The following CDH12 variants were observed in gnomAD, a reference collection of about 807,000 sequenced individuals.
CDH12 encodes the protein cadherin-12.
Under a neutral mutation model 74.1 loss-of-function variants are expected in CDH12, and 41 were observed. The ratio of observed to expected loss-of-function variants is 0.55; its 90% CI spans 0.43 to 0.72. CDH12 has a LOEUF of 0.72. Among genes scored for constraint, CDH12 ranks in the 30% least tolerant of loss-of-function variants. CDH12 has a pLI of 0.00. For missense variants in CDH12, 945 were observed against 977.2 expected, an observed-to-expected ratio of 0.97 and a Z score of 0.44; for synonymous variants, 399 against 355.0, an observed-to-expected ratio of 1.12 and a Z score of -1.39.
intron 4 of CDH12, among the ~76,000 whole-genome samples, chr5:22,199,306 T>G (rs1248531911): frequency 6.6e-6 from 1 of 152,186 alleles, no homozygotes; most frequent in African/African-American, 2.4e-5. Context: ...TACTTAGTCA[T>G]GAGGGTTAGA....
At chr5:22,180,236 C>G (rs151335382) in intron 4 of CDH12, among the ~76,000 whole-genome samples, 3 of 152,174 alleles carry the variant, frequency 2.0e-5, no homozygotes, top group African/African-American at 7.2e-5. Context: ...CCTACAGCCA[C>G]TCACTTTCCT....
At chr5:22,672,486 T>C (rs1205243088) in intron 1 of CDH12, among the ~76,000 whole-genome samples, 1 of 152,056 alleles carries the variant, frequency 6.6e-6, no homozygotes, top group Non-Finnish European at 1.5e-5. Context: ...GGACTAGATT[T>C]ACGATAAGAG....
intron 3 of CDH12, among the ~76,000 whole-genome samples, chr5:22,373,792 C>T (rs973500571): frequency 6.6e-6 from 1 of 152,156 alleles, no homozygotes; most frequent in African/African-American, 2.4e-5. Context: ...GAAAACAATC[C>T]TTCCCTATGA....
intron 1 of CDH12, among the ~76,000 whole-genome samples, chr5:22,630,244 T>G (rs953400054): frequency 6.6e-6 from 1 of 151,876 alleles, no homozygotes; most frequent in African/African-American, 2.4e-5. Context: ...CATCACAGAA[T>G]TAGAAAAAAA....
intron 2 of CDH12, among the ~76,000 whole-genome samples, chr5:22,434,718 G>C (rs1744309661): frequency 6.6e-6 from 1 of 151,912 alleles, no homozygotes; most frequent in Non-Finnish European, 1.5e-5. Flanking sequence ...CAATTCCATT[G>C]TCCATTTTAA....
intron 12 of CDH12, among the ~76,000 whole-genome samples, chr5:21,764,097 G>C (rs2149874972): frequency 6.6e-6 from 1 of 152,232 alleles, no homozygotes; most frequent in African/African-American, 2.4e-5. Flanking sequence ...TGTGGGGGCT[G>C]GGTGCGGTGG....
intron 1 of CDH12, among the ~76,000 whole-genome samples, chr5:22,611,241 C>T (rs1737382791): frequency 6.6e-6 from 1 of 152,078 alleles, no homozygotes; most frequent in Non-Finnish European, 1.5e-5. Flanking sequence ...TTTATACACA[C>T]TTAAACTTTC....
rs190265900 is a variant in CDH12 at position 22,531,496 on chromosome 5, C to T, written c.-522-26132G>A. Among the ~76,000 whole-genome samples, 99 of 152,154 alleles carry T rather than the reference C, an allele frequency of 6.5e-4. 1 individual carries two copies. Among genetic ancestry groups the T allele is most frequent in the African/African-American group, 1.7e-3 (70 of 41,520 alleles). ...ATATCTATTGAATATTAATATATTG[C>T]ACCTTAACCATCAGTACATTTGTCT... On this transcript the variant is annotated intron_variant, in intron 1 of 14. Transcript: ENST00000382254.
At position 22,028,649 on chromosome 5, in the gene CDH12, G is replaced by T. The variant is rs921406978; in HGVS notation, c.231+49797C>A. Among the ~76,000 whole-genome samples the T allele has an allele frequency of 2.6e-5, 4 of 152,092 alleles. No individual in the cohort carries two copies. The South Asian group carries it at 8.3e-4, about 32-fold the overall frequency. ...ATGGAAGAACATACCATGCTCATGG[G>T]TAGGAAGAATCAATATCATGAAAAT... On this transcript the variant is annotated intron_variant, in intron 5 of 14. Transcript: ENST00000382254.
intron 1 of CDH12, among the ~76,000 whole-genome samples, chr5:22,667,995 A>T (rs1487410): frequency 6.6e-6 from 1 of 151,932 alleles, no homozygotes; most frequent in Non-Finnish European, 1.5e-5. Flanking sequence ...GAAAAGAAAA[A>T]CATAATTCCT....
chr5:22,725,142 G>T (rs1744096168), intron 1 of CDH12, among the ~76,000 whole-genome samples: 1 of 151,696 alleles, frequency 6.6e-6, no homozygotes, highest in Non-Finnish European at 1.5e-5. Flanking sequence ...GCAAATTTTA[G>T]CTCTATGACA....
chr5:22,253,146 A>G (rs904211616), intron 3 of CDH12, among the ~76,000 whole-genome samples: 2 of 151,988 alleles, frequency 1.3e-5, no homozygotes, highest in Non-Finnish European at 2.9e-5. Context: ...TCAGGATAAT[A>G]CAATATGCAA....
At position 21,764,837 on chromosome 5, in the gene CDH12, A is replaced by G. The variant is rs931583895; in HGVS notation, c.1515+141T>C. The G allele has an allele frequency of 1.3e-5, 10 of 781,524 alleles. No individual in the cohort carries two copies. The Admixed American group carries it at 2.4e-4, about 18-fold the overall frequency. The allele number at this position is 781,524 out of a possible 1,614,324, so 48.4% of individuals were successfully genotyped here. A position where few individuals can be genotyped will look rare whatever the true frequency, so the allele number is the denominator to read the frequency against. On this transcript the variant is annotated intron_variant, in intron 12 of 14. Coordinates refer to ENST00000382254, the MANE Select transcript of CDH12 (RefSeq NM_004061.5). The stretch of plus-strand genomic sequence containing the variant: ...TATATCATTAATTCACAAGAGTTTA[A>G]TTAATCTTTTATGGTTTCTTTTATG...
intron 1 of CDH12, among the ~76,000 whole-genome samples, chr5:22,583,670 T>C (rs1289767991): frequency 1.3e-5 from 2 of 152,152 alleles, no homozygotes; most frequent in African/African-American, 4.8e-5. Flanking sequence ...AGGATGAAGA[T>C]GGGATTTTGA....
chr5:22,062,656 A>C (rs1741269655), intron 5 of CDH12, among the ~76,000 whole-genome samples: 1 of 152,168 alleles, frequency 6.6e-6, no homozygotes, highest in Admixed American at 6.6e-5. Flanking sequence ...ACTTGAATAC[A>C]CTGCAAAGGT....
At chr5:22,685,999 T>C (rs1008240312) in intron 1 of CDH12, among the ~76,000 whole-genome samples, 9 of 152,218 alleles carry the variant, frequency 5.9e-5, no homozygotes, top group Admixed American at 5.2e-4. Flanking sequence ...AAGGTTATAT[T>C]ACATTTTCAT....
chr5:21,967,753 C>T (rs2431915), intron 6 of CDH12, among the ~76,000 whole-genome samples: 2 of 152,114 alleles, frequency 1.3e-5, no homozygotes, highest in African/African-American at 4.8e-5. Flanking sequence ...AATAAAAACA[C>T]AGGAATCAAA....
At chr5:22,697,187 T>G (rs1464465758) in intron 1 of CDH12, among the ~76,000 whole-genome samples, 2 of 152,106 alleles carry the variant, frequency 1.3e-5, no homozygotes, top group East Asian at 3.9e-4. Context: ...TATTAAATTA[T>G]AGAGAAGGGA....
intron 1 of CDH12, among the ~76,000 whole-genome samples, chr5:22,623,388 ATGGTATGAT>A (rs1738088450): frequency 6.6e-6 from 1 of 152,232 alleles, no homozygotes; most frequent in South Asian, 2.1e-4. Context: ...CTGTTTGCAG[ATGGTATGAT>A]TGTATATTTA....
Sources: gnomAD v4.1 joint callset for allele counts (sites outside exome capture counted in the v4.1 genomes callset) on GRCh38, gnomAD v4.1.1 for gene constraint, MANE v1.5 for transcripts, NCBI Gene and HGNC (gene_info 2026-07-23, HGNC 2026-07-21) for gene names.